Variants in CAMTA1 observed in about 807,000 individuals in gnomAD.
The protein encoded by CAMTA1 is calmodulin-binding transcription activator 1.
Under a neutral mutation model 170.9 loss-of-function variants are expected in CAMTA1, and 27 were observed. The observed-to-expected ratio is 0.16, with a 90% confidence interval of 0.12 to 0.22. The LOEUF (loss-of-function observed/expected upper bound fraction) is 0.22. Among genes scored for constraint, CAMTA1 ranks in the 10% least tolerant of loss-of-function variants. The pLI is 1.00. For synonymous variants in CAMTA1, 833 were observed against 891.5 expected (o/e 0.93, Z 1.17); for missense variants, 1,619 against 2,217.2 (o/e 0.73, Z 5.42).
chr1:6,884,877 T>C (rs767427952), intron 3 of CAMTA1, among the ~76,000 whole-genome samples: 1 of 152,226 alleles, frequency 6.6e-6, no homozygotes, highest in Non-Finnish European at 1.5e-5. Flanking sequence ...TGTGTTGCTT[T>C]CCTATCTTTT....
chr1:7,177,983 G>A (rs1026600284), intron 4 of CAMTA1, among the ~76,000 whole-genome samples: 1 of 150,666 alleles, frequency 6.6e-6, no homozygotes, highest in East Asian at 2.0e-4. Context: ...CCCTCCCCAC[G>A]CGTGGAGGCT....
chr1:7,740,936 G>C (rs2096807652), intron 16 of CAMTA1, among the ~76,000 whole-genome samples: 2 of 152,152 alleles, frequency 1.3e-5, no homozygotes. Context: ...TTAGCCAAAT[G>C]AGAAGATAAC....
chr1:7,618,005 ACAGTGGGAGCT>A (rs1417600609), intron 6 of CAMTA1, among the ~76,000 whole-genome samples: 2 of 152,172 alleles, frequency 1.3e-5, no homozygotes, highest in Non-Finnish European at 2.9e-5. Context: ...TACCATGCAC[ACAGTGGGAGCT>A]CCTGAATTAC....
At chr1:6,822,827 AACACACAC>A (rs1264070849) in intron 2 of CAMTA1, among the ~76,000 whole-genome samples, 2 of 130,490 alleles carry the variant, frequency 1.5e-5, no homozygotes, top group South Asian at 5.0e-4. Context: ...CACACACACA[AACACACAC>A]ACACGCACAC....
chr1:7,159,284 A>C (rs955907997), intron 4 of CAMTA1, among the ~76,000 whole-genome samples: 1 of 152,068 alleles, frequency 6.6e-6, no homozygotes, highest in Non-Finnish European at 1.5e-5. Flanking sequence ...TTACTTTTCA[A>C]TGTGAGTAGA....
chr1:7,181,593 C>T (rs184418505), intron 4 of CAMTA1, among the ~76,000 whole-genome samples: 4 of 152,150 alleles, frequency 2.6e-5, no homozygotes, highest in African/African-American at 9.6e-5. Flanking sequence ...ATAAGAACCA[C>T]ATAAATAACC....
intron 4 of CAMTA1, among the ~76,000 whole-genome samples, chr1:7,116,441 C>T (rs766809718): frequency 2.0e-5 from 3 of 152,064 alleles, no homozygotes; most frequent in Non-Finnish European, 2.9e-5. Flanking sequence ...TAAGACCTTG[C>T]CTACAACTTC....
intron 4 of CAMTA1, among the ~76,000 whole-genome samples, chr1:7,107,953 A>G (rs1418990672): frequency 6.6e-6 from 1 of 152,122 alleles, no homozygotes; most frequent in Admixed American, 6.5e-5. Flanking sequence ...TACACTTGAG[A>G]AGGGTGCCTC....
In CAMTA1 at chr1:7,249,694, G is replaced by C; in HGVS notation, c.438+68G>C. On this transcript the variant is annotated intron_variant, in intron 5 of 22. Transcript: ENST00000303635. The surrounding 1 kb of genome is among the most constrained non-coding windows in gnomAD (Gnocchi z 4.4). ...GCAGGCTGCAGTGGAGAATGGAATT[G>C]CTTGGAGTAATTTGATGCGAGTCAC... 6.4e-7 allele frequency: 1 copy of C among 1,553,616 alleles called. No homozygotes were observed. Among genetic ancestry groups the C allele is most frequent in the East Asian group, 2.3e-5 (1 of 43,956 alleles).
At chr1:6,823,949 C>T (rs1646816935) in intron 2 of CAMTA1, among the ~76,000 whole-genome samples, 1 of 152,064 alleles carries the variant, frequency 6.6e-6, no homozygotes, top group Non-Finnish European at 1.5e-5. Context: ...ATAATCTAAT[C>T]TTGTTGATTT....
Position 7,270,291 on chromosome 1 carries a change from A to ATAT in CAMTA1, c.438+20666_438+20667insATT, listed in dbSNP as rs1336977888. On this transcript the variant is annotated intron_variant, in intron 5 of 22. Transcript: ENST00000303635. ...CACACACACATATATATATATATAT[A>ATAT]TTTTTTTTTTTTTTTCTTGTGAGAT... Among the ~76,000 whole-genome samples, 81 of 110,540 alleles carry ATAT rather than the reference A, an allele frequency of 7.3e-4. 1 individual carries two copies. Among genetic ancestry groups the ATAT allele is most frequent in the East Asian group, 4.0e-3 (12 of 3,014 alleles). The allele number at this position is 110,540 out of a possible 152,430, so 72.5% of individuals were successfully genotyped here.
At chr1:7,155,631 AT>A (rs750478770) in intron 4 of CAMTA1, among the ~76,000 whole-genome samples, 30 of 151,508 alleles carry the variant, frequency 2.0e-4, no homozygotes, top group Non-Finnish European at 3.4e-4. Flanking sequence ...AGGTCACACC[AT>A]GTTGTTCAGG....
intron 6 of CAMTA1, among the ~76,000 whole-genome samples, chr1:7,563,469 C>G (rs1373367300): frequency 6.6e-6 from 1 of 152,208 alleles, no homozygotes; most frequent in Non-Finnish European, 1.5e-5. Flanking sequence ...TGTTCCCACT[C>G]GGGCCCCACT....
At chr1:7,700,705 C>G (rs2096430413) in intron 11 of CAMTA1, 1 of 152,218 alleles carries the variant, frequency 6.6e-6, no homozygotes. Context: ...AAGCTTCTAT[C>G]TGTAATAATA....
At chr1:7,613,494 A>G (rs2095537341) in intron 6 of CAMTA1, among the ~76,000 whole-genome samples, 1 of 152,070 alleles carries the variant, frequency 6.6e-6, no homozygotes, top group Admixed American at 6.5e-5. Flanking sequence ...CAGGGAAAAG[A>G]TGCACGGAGG....
At chr1:6,822,644 T>C (rs1646624744) in intron 2 of CAMTA1, among the ~76,000 whole-genome samples, 1 of 152,194 alleles carries the variant, frequency 6.6e-6, no homozygotes, top group African/African-American at 2.4e-5. Context: ...TAAAGTGTAA[T>C]GTTTAGAAAC....
At chr1:7,483,340 C>T (rs2093567578) in intron 6 of CAMTA1, among the ~76,000 whole-genome samples, 1 of 152,218 alleles carries the variant, frequency 6.6e-6, no homozygotes, top group Non-Finnish European at 1.5e-5. Flanking sequence ...AATCTAAAAT[C>T]TGGTGCAGAG....
At chr1:7,671,102 G>A in intron 10 of CAMTA1, 65 bp downstream of exon 10, 3 of 1,585,022 alleles carry the variant, frequency 1.9e-6, no homozygotes, top group South Asian at 2.3e-5. Flanking sequence ...TGGACTCGGA[G>A]TTGGCCTTGG....
intron 11 of CAMTA1, among the ~76,000 whole-genome samples, chr1:7,716,802 C>CA (rs1380002709): frequency 1.3e-5 from 2 of 152,050 alleles, no homozygotes; most frequent in African/African-American, 4.8e-5. Context: ...ATTAGGATGT[C>CA]AGAGAGAGAT....
Sources: allele counts gnomAD v4.1 joint callset (sites outside exome capture counted in the v4.1 genomes callset), GRCh38; gene constraint gnomAD v4.1.1; non-coding constraint Gnocchi (gnomAD v3.1); transcripts MANE v1.5; gene names NCBI Gene and HGNC (gene_info 2026-07-23, HGNC 2026-07-21).